The following NAV3 variants were observed in gnomAD, a reference collection of about 807,000 sequenced individuals.
The protein encoded by NAV3 is pore membrane and/or filament interacting like protein 1.
In NAV3, 87 loss-of-function variants were observed where a neutral mutation model predicts 244.7. The ratio of observed to expected loss-of-function variants is 0.36; its 90% CI spans 0.30 to 0.42. The LOEUF (loss-of-function observed/expected upper bound fraction) is 0.42, where lower values mean the gene tolerates loss of function less well. NAV3 is among the 20% of genes least tolerant of loss of function. NAV3 has a pLI of 1.00. For synonymous variants in NAV3, 1,126 were observed against 1,042.2 expected (o/e 1.08, Z -1.55); for missense variants, 2,663 against 2,893.3 (o/e 0.92, Z 1.83).
chr12:77,894,022 C>G (rs1244449525), intron 1 of NAV3, among the ~76,000 whole-genome samples: 1 of 152,178 alleles, frequency 6.6e-6, no homozygotes, highest in Non-Finnish European at 1.5e-5. Context: ...CTCTAATTTA[C>G]TCCTTGACCC....
chr12:78,066,381 C>T (rs539201509), intron 12 of NAV3, among the ~76,000 whole-genome samples: 1 of 151,968 alleles, frequency 6.6e-6, no homozygotes, highest in Non-Finnish European at 1.5e-5. Context: ...AAGCTATAAC[C>T]TGGGTTACTG....
intron 12 of NAV3, among the ~76,000 whole-genome samples, chr12:78,107,609 A>G (rs955461393): frequency 2.2e-4 from 32 of 148,788 alleles, no homozygotes; most frequent in Non-Finnish European, 3.0e-4. Flanking sequence ...GTGCTTAAAG[A>G]AAAAAAAAAC....
chr12:77,873,430 A>T (rs1210623572), intron 1 of NAV3, among the ~76,000 whole-genome samples: 1 of 151,844 alleles, frequency 6.6e-6, no homozygotes, highest in African/African-American at 2.4e-5. Flanking sequence ...GATATTTCTT[A>T]AATATTTTTC....
chr12:78,070,296 C>T (rs1952689890), intron 12 of NAV3, among the ~76,000 whole-genome samples: 1 of 151,972 alleles, frequency 6.6e-6, no homozygotes, highest in Non-Finnish European at 1.5e-5. Context: ...ATACTATAAT[C>T]AATGCCTTTT....
At chr12:77,792,481 A>G (rs988821910) in intron 2 of NAV3, among the ~76,000 whole-genome samples, 5 of 152,188 alleles carry the variant, frequency 3.3e-5, no homozygotes, top group Non-Finnish European at 7.3e-5. Context: ...AGCATCATAC[A>G]AGGAACCTGC....
At chr12:77,898,058 A>G (rs1565900587) in intron 1 of NAV3, among the ~76,000 whole-genome samples, 1 of 152,196 alleles carries the variant, frequency 6.6e-6, no homozygotes, top group Non-Finnish European at 1.5e-5. Flanking sequence ...TATAACCATT[A>G]CAGATTATTT....
chr12:78,007,403 A>G lies in NAV3; in HGVS notation c.1865A>G (p.His622Arg). The change falls in exon 8 of 40, where the codon CAT (histidine) becomes CGT (arginine). Residue 622 changes from histidine to arginine, a missense_variant. His to Arg is a conservative substitution (Grantham distance 29). This residue lies in a region of NAV3 where 1,521 missense variants were observed against 1,497.0 expected (regional missense o/e 1.02). Coordinates refer to ENST00000397909, the MANE Select transcript of NAV3 (RefSeq NM_001024383.2). ...GTCCAACTCCCTCAACAGCAGCAAC[A>G]TAGCCACCCGAATACCGCGACAGTG... ...GAVQLPQQQQHSHPNTATVAP... is the reference protein window; with the variant it reads ...GAVQLPQQQQRSHPNTATVAP... 2 of 1,614,120 alleles carry G rather than the reference A, an allele frequency of 1.2e-6. No homozygotes were observed. The highest frequency in any genetic ancestry group is 1.7e-6 in the Non-Finnish European group (2 of 1,179,996).
At chr12:78,155,762 G>A (rs920392802) in intron 22 of NAV3, among the ~76,000 whole-genome samples, 7 of 151,642 alleles carry the variant, frequency 4.6e-5, no homozygotes, top group Admixed American at 2.0e-4. Context: ...TTTTTTATAT[G>A]TTTGTTGGCT....
intron 2 of NAV3, among the ~76,000 whole-genome samples, chr12:77,634,006 A>C (rs1189764937): frequency 6.6e-6 from 1 of 152,144 alleles, no homozygotes; most frequent in East Asian, 1.9e-4. Flanking sequence ...TTCTCTCATT[A>C]AATTTATCAG....
chr12:78,194,654 T>A (rs566709243), intron 34 of NAV3, among the ~76,000 whole-genome samples: 1 of 152,202 alleles, frequency 6.6e-6, no homozygotes, highest in East Asian at 1.9e-4. Flanking sequence ...GTTTCTTCAC[T>A]GCCAAAAGGA....
intron 1 of NAV3, among the ~76,000 whole-genome samples, chr12:77,865,692 A>G (rs1879897524): frequency 6.6e-6 from 1 of 152,206 alleles, no homozygotes; most frequent in Non-Finnish European, 1.5e-5. Context: ...AAATTTCTAT[A>G]TAACTCCCTA....
Position 77,895,138 on chromosome 12 carries a change from A to T in NAV3, c.244-45181A>T, listed in dbSNP as rs1209297576. ...GGACAGGAGTGTTTCTTGAAAAAAA[A>T]AATTCTCACAGATTCACCTAACATA... is the stretch of plus-strand genomic sequence containing the variant. On this transcript the variant is annotated intron_variant, in intron 1 of 39. Transcript: ENST00000397909. Among the ~76,000 whole-genome samples the T allele has an allele frequency of 4.6e-5, 7 of 152,296 alleles. No homozygotes were observed. The South Asian group carries it at 1.4e-3, about 32-fold the overall frequency.
intron 8 of NAV3, among the ~76,000 whole-genome samples, chr12:78,015,136 C>A (rs1875966721): frequency 6.6e-6 from 1 of 152,018 alleles, no homozygotes; most frequent in East Asian, 1.9e-4. Flanking sequence ...GATTGCCTAA[C>A]CAAACCATTG....
chr12:78,211,295 C>A lies in NAV3; in HGVS notation c.*778C>A, dbSNP rs978459590. 9 of 152,488 alleles carry A rather than the reference C, an allele frequency of 5.9e-5. No homozygotes were observed. Among genetic ancestry groups the A allele is most frequent in the African/African-American group, 2.2e-4 (9 of 41,418 alleles). 9.4% of individuals were successfully genotyped at this position (152,488 alleles called of 1,614,324 possible). On this transcript the variant is annotated 3_prime_UTR_variant, in exon 40 of 40. Transcript: ENST00000397909. ...TTTTTAGGGCTTTATTTGTTTGAGC[C>A]TTTTCAGTGAAAGAAGGAACATTTC... is the stretch of plus-strand genomic sequence containing the variant.
intron 4 of NAV3, among the ~76,000 whole-genome samples, chr12:77,967,885 G>A (rs1892652647): frequency 6.6e-6 from 1 of 151,798 alleles, no homozygotes; most frequent in South Asian, 2.1e-4. Flanking sequence ...TAAAAGAATT[G>A]GAACATTAAA....
chr12:77,669,008 C>T (rs148648634), intron 2 of NAV3, among the ~76,000 whole-genome samples: 15 of 152,206 alleles, frequency 9.9e-5, no homozygotes, highest in South Asian at 8.3e-4. Flanking sequence ...CCTCCTTAAA[C>T]GAAACAATTA....
At chr12:77,656,080 A>G (rs1873087140) in intron 2 of NAV3, among the ~76,000 whole-genome samples, 1 of 151,652 alleles carries the variant, frequency 6.6e-6, no homozygotes, top group Non-Finnish European at 1.5e-5. Context: ...TTACATCATA[A>G]TGAGAGGTTC....
chr12:78,144,868 T>C (rs411935), intron 20 of NAV3, among the ~76,000 whole-genome samples: 114,313 of 138,564 alleles, frequency 0.82, 47,257 homozygotes, highest in Non-Finnish European at 0.85. Context: ...TACAGTGAGT[T>C]GTGAATGCGC....
intron 24 of NAV3, among the ~76,000 whole-genome samples, chr12:78,170,270 T>C (rs939293681): frequency 1.3e-5 from 2 of 151,748 alleles, no homozygotes; most frequent in African/African-American, 4.8e-5. Context: ...AGCACCACCA[T>C]CCTTCCATTT....
Sources: allele counts gnomAD v4.1 joint callset (sites outside exome capture counted in the v4.1 genomes callset), GRCh38; gene constraint gnomAD v4.1.1; regional missense constraint gnomAD v4.1.1; transcripts MANE v1.5; gene names NCBI Gene and HGNC (gene_info 2026-07-23, HGNC 2026-07-21).